LYG1: variants seen among roughly 807,000 people sequenced by gnomAD.
LYG1 encodes lysozyme g1.
Under a neutral mutation model 21.7 loss-of-function variants are expected in LYG1, and 17 were observed. The ratio of observed to expected loss-of-function variants is 0.78; its 90% CI spans 0.54 to 1.18. The LOEUF (loss-of-function observed/expected upper bound fraction) is 1.18, where lower values mean the gene tolerates loss of function less well. Among genes scored for constraint, LYG1 ranks in the 50% most tolerant of loss-of-function variants. The pLI, the probability that LYG1 is intolerant of heterozygous loss-of-function variation, is 0.00. For missense variants in LYG1, 211 were observed against 238.1 expected (o/e 0.89, Z 0.75); for synonymous variants, 81 against 87.4 (o/e 0.93, Z 0.41).
chr2:99,291,481 C>A, intron 4 of LYG1, 60 bp from the exon 5 acceptor site: 1 of 1,534,128 alleles, frequency 6.5e-7, no homozygotes, highest in South Asian at 1.2e-5. Flanking sequence ...AACAGGAGCT[C>A]AAGGGGAGAG....
chr2:99,292,985 C>A (rs200451960), intron 3 of LYG1, among the ~76,000 whole-genome samples: 3 of 83,160 alleles, frequency 3.6e-5, no homozygotes, highest in Admixed American at 1.8e-4. Context: ...CCTCATCTTA[C>A]TTTTTTTTTT....
At chr2:99,289,574 T>C (rs2094112492) in intron 5 of LYG1, among the ~76,000 whole-genome samples, 1 of 152,176 alleles carries the variant, frequency 6.6e-6, no homozygotes, top group African/African-American at 2.4e-5. Context: ...TGAGCAGACC[T>C]TTCACTGCTG....
intron 2 of LYG1, among the ~76,000 whole-genome samples, chr2:99,297,529 G>A (rs2094140452): frequency 2.0e-5 from 3 of 152,272 alleles, no homozygotes; most frequent in African/African-American, 7.2e-5. Flanking sequence ...TAACAGGAGA[G>A]CTACCGTATT....
chr2:99,287,321 A>C (rs1007264392), intron 5 of LYG1, among the ~76,000 whole-genome samples: 8 of 152,196 alleles, frequency 5.3e-5, no homozygotes, highest in African/African-American at 1.9e-4. Flanking sequence ...TGGGAGCTAG[A>C]TGATGAGAAC....
At chr2:99,289,065 C>T (rs970672463) in intron 5 of LYG1, among the ~76,000 whole-genome samples, 2 of 152,120 alleles carry the variant, frequency 1.3e-5, no homozygotes, top group Admixed American at 6.6e-5. Flanking sequence ...GAACTTTGGG[C>T]CCCATTTCAG....
intron 4 of LYG1, among the ~76,000 whole-genome samples, chr2:99,291,768 C>A (rs1365532569): frequency 1.3e-5 from 2 of 152,212 alleles, no homozygotes; most frequent in Non-Finnish European, 2.9e-5. Flanking sequence ...GCCTGCCTAT[C>A]AGCTGCAACC....
At position 99,291,232 on chromosome 2, in the gene LYG1, G is replaced by A. The variant is rs1469260164; in HGVS notation, c.333+5C>T. The A allele has an allele frequency of 1.2e-6, 2 of 1,612,924 alleles. No individual in the cohort carries two copies. The highest frequency in any genetic ancestry group is 1.7e-6 in the Non-Finnish European group (2 of 1,179,436). Reference sequence around the variant, plus strand: ...GGCCACATGTGTCAACGGATGAAGAGTTACCTGCACCATGCTAGTCCTATC... The same window carrying A: ...GGCCACATGTGTCAACGGATGAAGAATTACCTGCACCATGCTAGTCCTATC... On this transcript the variant is annotated splice_donor_5th_base_variant and intron_variant, in intron 5 of 6. Transcript: ENST00000308528.
In LYG1 at chr2:99,295,665, A is replaced by G. The variant is rs773675314; in HGVS notation, c.6T>C (p.Ser2=). The G allele has an allele frequency of 4.1e-5, 66 of 1,614,118 alleles. No individual in the cohort carries two copies. The highest frequency in any genetic ancestry group is 5.4e-5 in the Non-Finnish European group (64 of 1,180,050). The change falls in exon 3 of 7, where the codon TCT becomes TCC. Residue 2 remains serine (S), a synonymous_variant. Transcript: ENST00000308528. M[S]ALWLLLGLLA... is the part of the protein sequence containing the mutation. ...GGAGGCCCAGCAGCAGCCACAATGC[A>G]GACATGATGACGATCTGGCTCTACG...
chr2:99,288,945 C>T (rs2094110439), intron 5 of LYG1, among the ~76,000 whole-genome samples: 1 of 152,178 alleles, frequency 6.6e-6, no homozygotes, highest in Non-Finnish European at 1.5e-5. Flanking sequence ...CCCACCACTG[C>T]TTCCAGCACC....
chr2:99,302,031 G>A (rs1336235197), upstream of LYG1, among the ~76,000 whole-genome samples: 2 of 152,176 alleles, frequency 1.3e-5, no homozygotes, highest in Admixed American at 6.5e-5. Context: ...CCCCAGCTCA[G>A]CTGAACAGCT....
chr2:99,295,839 A>G, intron 2 of LYG1, 137 bp from the exon 3 acceptor site: 3 of 812,766 alleles, frequency 3.7e-6, no homozygotes, highest in Non-Finnish European at 5.8e-6. Context: ...TATTTGAATC[A>G]TAGTGAAAAA....
chr2:99,297,602 T>C lies in LYG1; in HGVS notation c.-33+857A>G, dbSNP rs907688155. Among the ~76,000 whole-genome samples, 3 of 152,238 alleles carry C rather than the reference T, an allele frequency of 2.0e-5. No homozygotes were observed. The South Asian group carries it at 6.2e-4, about 31-fold the overall frequency. Reference sequence around the variant, plus strand: ...ACTTTAATGAAAGAGTCTATGTAAATACATGTGCCACTTAATGGGAACACA... The same window carrying C: ...ACTTTAATGAAAGAGTCTATGTAAACACATGTGCCACTTAATGGGAACACA... On this transcript the variant is annotated intron_variant, in intron 2 of 6. Transcript: ENST00000308528.
intron 2 of LYG1, among the ~76,000 whole-genome samples, chr2:99,298,149 C>T (rs79612016): frequency 8.3e-4 from 126 of 152,346 alleles, no homozygotes; most frequent in Admixed American, 1.5e-3. Context: ...AGACATCACT[C>T]GGGTGTGCTC....
intron 5 of LYG1, among the ~76,000 whole-genome samples, chr2:99,287,243 G>C (rs980968076): frequency 6.6e-6 from 1 of 152,132 alleles, no homozygotes; most frequent in Non-Finnish European, 1.5e-5. Context: ...CACATCTGTA[G>C]CCAGCATTAT....
chr2:99,297,222 C>T (rs778746352), intron 2 of LYG1, among the ~76,000 whole-genome samples: 4 of 152,228 alleles, frequency 2.6e-5, no homozygotes, highest in Admixed American at 1.3e-4. Context: ...TCTGCAGGAA[C>T]GCTCAGATTT....
chr2:99,284,918 T>A (rs901456347), intron 5 of LYG1, 98 bp from the exon 6 acceptor site: 1 of 1,481,006 alleles, frequency 6.8e-7, no homozygotes, highest in Non-Finnish European at 9.2e-7. Context: ...CTGTCTCTTG[T>A]TCTCCTTTCA....
chr2:99,294,754 T>C (rs2094131408), intron 3 of LYG1, among the ~76,000 whole-genome samples: 1 of 152,198 alleles, frequency 6.6e-6, no homozygotes, highest in Non-Finnish European at 1.5e-5. Context: ...CTAAGAAATC[T>C]ATTAAATTTA....
At chr2:99,295,810 C>T (rs1486359439) in intron 2 of LYG1, 108 bp from the exon 3 acceptor site, 6 of 1,058,182 alleles carry the variant, frequency 5.7e-6, no homozygotes, top group South Asian at 1.4e-5. Context: ...TTCCCCATAT[C>T]TGACCTAAGA....
At chr2:99,299,492 C>T (rs1345745298) in intron 1 of LYG1, among the ~76,000 whole-genome samples, 3 of 150,688 alleles carry the variant, frequency 2.0e-5, no homozygotes, top group Non-Finnish European at 4.4e-5. Context: ...GCTGTGATCT[C>T]GGCTCACTGC....
Sources: allele counts gnomAD v4.1 joint callset (sites outside exome capture counted in the v4.1 genomes callset), GRCh38; gene constraint gnomAD v4.1.1; transcripts MANE v1.5; gene names NCBI Gene and HGNC (gene_info 2026-07-23, HGNC 2026-07-21).